FREM1: variants seen among roughly 807,000 people sequenced by gnomAD.
FREM1 encodes FRAS1-related extracellular matrix protein 1.
FREM1 carries 220 observed loss-of-function variants against 210.1 expected under a neutral mutation model. That is an observed-to-expected ratio of 1.05 (90% confidence interval 0.94 to 1.17). FREM1 has a LOEUF of 1.17. Among genes scored for constraint, FREM1 ranks in the 50% most tolerant of loss-of-function variants. The pLI is 0.00. For synonymous variants in FREM1, 1,189 were observed against 980.2 expected, an observed-to-expected ratio of 1.21 and a Z score of -3.98; for missense variants, 3,454 against 2,675.5, an observed-to-expected ratio of 1.29 and a Z score of -6.42.
chr9:14,802,892 CAG>C (rs1817557240), intron 19 of FREM1, among the ~76,000 whole-genome samples: 1 of 152,086 alleles, frequency 6.6e-6, no homozygotes, highest in Non-Finnish European at 1.5e-5. Flanking sequence ...CACAAAAGGG[CAG>C]AGATCAGGAT....
At position 14,842,650 on chromosome 9, in the gene FREM1, C is replaced by A. The variant is rs758216508; in HGVS notation, c.1404G>T (p.Gly468=). The change falls in exon 9 of 37, where the codon GGG becomes GGT. Residue 468 remains glycine, a synonymous_variant. Transcript: ENST00000380880. ...GGAGGTCAGCCACGGTGAAGAGAAA[C>A]CCTTTCCCCCCTGAGGGAGAGAGCA... ...HGWLTLRGGK[G]FLFTVADLQA... 6 of 1,612,694 alleles carry A rather than the reference C, an allele frequency of 3.7e-6. No individual in the cohort carries two copies. The African/African-American group carries it at 6.7e-5, about 18-fold the overall frequency.
chr9:14,871,190 A>C (rs1421010025), intron 1 of FREM1, among the ~76,000 whole-genome samples: 1 of 152,216 alleles, frequency 6.6e-6, no homozygotes, highest in East Asian at 1.9e-4. Flanking sequence ...TGGCTGGGTC[A>C]AATGGTATTT....
intron 18 of FREM1, among the ~76,000 whole-genome samples, chr9:14,805,900 A>G (rs1472638960): frequency 6.6e-6 from 1 of 152,162 alleles, no homozygotes; most frequent in Non-Finnish European, 1.5e-5. Context: ...CTTTAAAATT[A>G]ATGTCATCTG....
intron 35 of FREM1, 105 bp from the exon 36 acceptor site, chr9:14,740,339 T>A: frequency 1.2e-6 from 1 of 831,552 alleles, no homozygotes. Context: ...CACAAAAAAG[T>A]AGGTCTTTAA....
At chr9:14,853,799 A>C (rs2131439260) in intron 5 of FREM1, among the ~76,000 whole-genome samples, 1 of 152,328 alleles carries the variant, frequency 6.6e-6, no homozygotes, top group South Asian at 2.1e-4. Flanking sequence ...TTCGTGTGTC[A>C]CTGGGAAGAA....
At position 14,841,537 on chromosome 9, in the gene FREM1, A is replaced by C. The variant is rs115032700; in HGVS notation, c.1791T>G (p.Tyr597Ter). The part of the protein sequence containing the change: ...LQRDLFNGII[Y>*]YRHFGGEIFE... ...AGATTTCTCCACCAAAATGACGATAATAAATGATTCCATTAAACAAATCCC... is the reference window on the plus strand; with the variant it reads ...AGATTTCTCCACCAAAATGACGATACTAAATGATTCCATTAAACAAATCCC... Residue 597 changes from tyrosine (Y) to a stop codon, truncating the protein, a stop_gained, in exon 10 of 37, where the codon TAT (tyrosine) becomes TAG (stop). Coordinates refer to ENST00000380880, the MANE Select transcript of FREM1 (RefSeq NM_001379081.2). LOFTEE classifies it high-confidence loss of function. 6.2e-7 allele frequency: 1 copy of C among 1,612,472 alleles called. No homozygotes were observed. The highest frequency in any genetic ancestry group is 1.7e-5 in the Admixed American group (1 of 59,994).
chr9:14,880,278 A>T (rs912854909), intron 1 of FREM1, among the ~76,000 whole-genome samples: 44 of 152,096 alleles, frequency 2.9e-4, no homozygotes, highest in African/African-American at 5.8e-4. Context: ...ATATTTTTTT[A>T]AAAAAAGGAA....
intron 30 of FREM1, among the ~76,000 whole-genome samples, chr9:14,749,891 G>GA (rs1843048412): frequency 6.6e-6 from 1 of 152,066 alleles, no homozygotes; most frequent in East Asian, 1.9e-4. Flanking sequence ...AAACGGGTAG[G>GA]AAAAAAACAA....
At chr9:14,857,864 C>G (rs1829082098) in intron 4 of FREM1, 115 bp from the exon 5 acceptor site, 4 of 619,750 alleles carry the variant, frequency 6.5e-6, no homozygotes, top group Admixed American at 3.3e-5. Flanking sequence ...CAGGAACACT[C>G]ATGTACCTTC....
Position 14,748,438 on chromosome 9 carries a change from G to A in FREM1, c.5759C>T (p.Ser1920Phe). 1 of 1,613,336 alleles carries A rather than the reference G, an allele frequency of 6.2e-7. No individual in the cohort carries two copies. The highest frequency in any genetic ancestry group is 8.5e-7 in the Non-Finnish European group (1 of 1,179,424). The stretch of plus-strand genomic sequence containing the variant: ...CCCACGGGTCCTAAGCTTCCTTTGA[G>A]AAAGATCTGTAGAATCAAAGCCCCG... Reference protein sequence around the residue: ...TLRGFDSTDLSQRKLRTRGNG... With the variant: ...TLRGFDSTDLFQRKLRTRGNG... Residue 1920 changes from serine to phenylalanine, a missense_variant, in exon 31 of 37, where the codon TCT becomes TTT. Ser to Phe is a radical substitution (Grantham distance 155). Coordinates refer to ENST00000380880, the MANE Select transcript of FREM1 (RefSeq NM_001379081.2).
At chr9:14,752,091 T>C (rs1272280064) in intron 29 of FREM1, among the ~76,000 whole-genome samples, 1 of 151,664 alleles carries the variant, frequency 6.6e-6, no homozygotes, top group Admixed American at 6.6e-5. Flanking sequence ...GATATGCTTA[T>C]CTTTGCATTA....
intron 1 of FREM1, among the ~76,000 whole-genome samples, chr9:14,886,408 A>T (rs79884574): frequency 6.8e-6 from 1 of 146,900 alleles, no homozygotes. Flanking sequence ...AAAAAAAAAA[A>T]GGAAAAAGAA....
rs777914886 is a variant in FREM1, at chr9:14,848,775, TG to T, written c.1153-3del. The T allele has an allele frequency of 3.1e-6, 5 of 1,589,370 alleles. No homozygotes were observed. In the African/African-American group the frequency reaches 6.7e-5, roughly 21 times the overall value. On this transcript the variant is annotated splice_polypyrimidine_tract_variant and splice_region_variant and intron_variant, in intron 6 of 36. Transcript: ENST00000380880. ...GAAGTCGTATACCTCCAATTCTACCTGTAAACAAACAGAGGCAAAGGAGCCA... is the reference window on the plus strand; with the variant it reads ...GAAGTCGTATACCTCCAATTCTACCTTAAACAAACAGAGGCAAAGGAGCCA...
chr9:14,774,803 T>C (rs1436923731), intron 25 of FREM1, among the ~76,000 whole-genome samples: 1 of 152,140 alleles, frequency 6.6e-6, no homozygotes, highest in African/African-American at 2.4e-5. Flanking sequence ...TGTAGTGTCA[T>C]AGAAAGGACA....
At chr9:14,894,740 T>C (rs556988998) in intron 1 of FREM1, among the ~76,000 whole-genome samples, 1 of 152,214 alleles carries the variant, frequency 6.6e-6, no homozygotes, top group African/African-American at 2.4e-5. Context: ...ATTTGGAGCA[T>C]GTTTGTTTCT....
chr9:14,778,827 G>A (rs1587916090), intron 24 of FREM1, among the ~76,000 whole-genome samples: 1 of 149,934 alleles, frequency 6.7e-6, no homozygotes, highest in Non-Finnish European at 1.5e-5. Context: ...TGGAGCGCTC[G>A]AGCTCAGGAG....
chr9:14,874,715 T>C (rs1238973476), intron 1 of FREM1, among the ~76,000 whole-genome samples: 1 of 152,162 alleles, frequency 6.6e-6, no homozygotes, highest in South Asian at 2.1e-4. Context: ...TCATTATGAT[T>C]TTAGCTGGTT....
chr9:14,834,956 T>A (rs1306110528), intron 10 of FREM1, among the ~76,000 whole-genome samples: 1 of 152,224 alleles, frequency 6.6e-6, no homozygotes, highest in Non-Finnish European at 1.5e-5. Flanking sequence ...CTTGCTTTGT[T>A]CCTTCTCAAA....
intron 22 of FREM1, among the ~76,000 whole-genome samples, chr9:14,789,436 G>A (rs1428765519): frequency 2.0e-5 from 3 of 152,168 alleles, no homozygotes; most frequent in Admixed American, 2.0e-4. Context: ...GAGGAGGTGG[G>A]TAATCGAGCT....
Sources: gnomAD v4.1 joint callset for allele counts (sites outside exome capture counted in the v4.1 genomes callset) on GRCh38, gnomAD v4.1.1 for gene constraint, MANE v1.5 for transcripts, NCBI Gene and HGNC (gene_info 2026-07-23, HGNC 2026-07-21) for gene names.